The following FRMPD4 variants were observed in gnomAD, a reference collection of about 807,000 sequenced individuals.
The protein encoded by FRMPD4 is FERM and PDZ domain containing 4.
In FRMPD4, 22 loss-of-function variants were observed where a neutral mutation model predicts 94.1. That is an observed-to-expected ratio of 0.23 (90% CI 0.17 to 0.33). The LOEUF is 0.33. Among genes scored for constraint, FRMPD4 ranks in the 10% least tolerant of loss-of-function variants. The pLI is 1.00. For missense variants in FRMPD4, 1,111 were observed against 1,339.9 expected (o/e 0.83, Z 2.67); for synonymous variants, 631 against 548.6 (o/e 1.15, Z -2.10).
chrX:11,880,139 G>A (rs2053805672), intron 3 of FRMPD4, among the ~76,000 whole-genome samples: 1 of 111,843 alleles, frequency 8.9e-6, no homozygotes, highest in African/African-American at 3.3e-5. Context: ...GGAATGGTTA[G>A]GACCGTGTTT....
intron 1 of FRMPD4, among the ~76,000 whole-genome samples, chrX:12,428,978 A>G (rs1324056458): frequency 9.0e-6 from 1 of 110,982 alleles, no homozygotes; most frequent in Non-Finnish European, 1.9e-5. Flanking sequence ...CTGTGGGATA[A>G]CTGGGCAGAC....
chrX:12,097,219 T>C (rs2055213934), intron 3 of FRMPD4, among the ~76,000 whole-genome samples: 1 of 112,038 alleles, frequency 8.9e-6, no homozygotes, highest in South Asian at 3.7e-4. Flanking sequence ...ATTTGGAGAA[T>C]GCAGAGAATG....
intron 2 of FRMPD4, among the ~76,000 whole-genome samples, chrX:12,579,702 GAGTT>G (rs1179377009): frequency 6.2e-5 from 7 of 112,061 alleles, no homozygotes; most frequent in African/African-American, 2.3e-4. Context: ...GCTGATTATT[GAGTT>G]AGTACCTTTT....
At chrX:12,447,856 T>C (rs2057218231) in intron 1 of FRMPD4, among the ~76,000 whole-genome samples, 1 of 112,194 alleles carries the variant, frequency 8.9e-6, no homozygotes, top group Non-Finnish European at 1.9e-5. Context: ...TCACTGTGTT[T>C]CCTTTCTATT....
At chrX:12,294,457 C>G (rs943614459) in intron 1 of FRMPD4, among the ~76,000 whole-genome samples, 1 of 106,474 alleles carries the variant, frequency 9.4e-6, no homozygotes, top group East Asian at 2.9e-4. Flanking sequence ...TGGCTATAAA[C>G]TCATAACTGT....
intron 4 of FRMPD4, among the ~76,000 whole-genome samples, chrX:12,656,689 T>A (rs749440796): frequency 4.8e-4 from 54 of 112,510 alleles, no homozygotes; most frequent in African/African-American, 1.7e-3. Context: ...GGAACTGTGG[T>A]TATCCTCAGG....
chrX:12,228,395 A>G (rs2056947735), intron 1 of FRMPD4, among the ~76,000 whole-genome samples: 1 of 112,593 alleles, frequency 8.9e-6, no homozygotes, highest in Non-Finnish European at 1.9e-5. Context: ...TATGACTGTA[A>G]CAATTCAAGT....
chrX:12,128,169 G>A (rs1163409607), intron 3 of FRMPD4, among the ~76,000 whole-genome samples: 1 of 113,178 alleles, frequency 8.8e-6, no homozygotes, highest in Non-Finnish European at 1.9e-5. Flanking sequence ...CTTCCACACT[G>A]CCGTAGCAGT....
intron 2 of FRMPD4, among the ~76,000 whole-genome samples, chrX:12,499,870 A>C (rs1338768227): frequency 8.9e-6 from 1 of 111,857 alleles, no homozygotes; most frequent in East Asian, 2.8e-4. Context: ...CCCTGCTTTC[A>C]CATCTTCTAG....
intron 1 of FRMPD4, among the ~76,000 whole-genome samples, chrX:12,479,385 T>TATATATATATACATATATACAC (rs1555971392): frequency 7.7e-4 from 65 of 84,569 alleles, no homozygotes; most frequent in Non-Finnish European, 1.3e-3. Flanking sequence ...TATATACACA[T>TATATATATATACATATATACAC]ATATATATAC....
At chrX:12,441,010 A>G (rs768452114) in intron 1 of FRMPD4, among the ~76,000 whole-genome samples, 4 of 112,226 alleles carry the variant, frequency 3.6e-5, no homozygotes, top group Non-Finnish European at 7.5e-5. Flanking sequence ...CTAGATTTTG[A>G]TGCTCATTTA....
At chrX:12,572,827 G>C (rs2058772473) in intron 2 of FRMPD4, among the ~76,000 whole-genome samples, 1 of 112,211 alleles carries the variant, frequency 8.9e-6, no homozygotes, top group Non-Finnish European at 1.9e-5. Context: ...CTACAGAAAG[G>C]AATAGTGGCT....
intron 3 of FRMPD4, among the ~76,000 whole-genome samples, chrX:12,003,148 C>T (rs891456538): frequency 1.8e-5 from 2 of 111,861 alleles, no homozygotes; most frequent in Non-Finnish European, 3.8e-5. Context: ...TGGGTCACCT[C>T]CTGTCATTCC....
At chrX:12,280,419 C>T (rs1373466390) in intron 1 of FRMPD4, among the ~76,000 whole-genome samples, 1 of 109,925 alleles carries the variant, frequency 9.1e-6, no homozygotes, top group Non-Finnish European at 1.9e-5. Flanking sequence ...ATTTGGGGTT[C>T]AGGTTCCTTG....
chrX:12,396,896 C>T (rs1227536980), intron 1 of FRMPD4, among the ~76,000 whole-genome samples: 1 of 111,490 alleles, frequency 9.0e-6, no homozygotes, highest in Admixed American at 9.5e-5. Context: ...AAACATAATC[C>T]TTATATTTGG....
intron 1 of FRMPD4, among the ~76,000 whole-genome samples, chrX:12,150,371 A>G (rs1317332058): frequency 8.9e-6 from 1 of 112,044 alleles, no homozygotes; most frequent in Non-Finnish European, 1.9e-5. Flanking sequence ...TACCCTTGGC[A>G]GTGAACTGTT....
chrX:11,857,354 A>T (rs746776441), intron 1 of FRMPD4, among the ~76,000 whole-genome samples: 13 of 111,477 alleles, frequency 1.2e-4, no homozygotes, highest in South Asian at 3.7e-4. Context: ...TGGTACAAAG[A>T]AAAAAAAGAA....
chrX:12,544,192 A>T (rs773703792), intron 2 of FRMPD4, among the ~76,000 whole-genome samples: 1 of 110,611 alleles, frequency 9.0e-6, no homozygotes, highest in Admixed American at 9.6e-5. Flanking sequence ...ATATGTAACA[A>T]ACCTGCATGT....
rs1024789020 is a variant in FRMPD4, at chrX:12,438,626, G to A, written c.42-60054G>A. Among the ~76,000 whole-genome samples, 4 of 111,061 alleles carry A rather than the reference G, an allele frequency of 3.6e-5. No homozygotes were observed. In the East Asian group the frequency reaches 1.1e-3, roughly 31 times the overall value. ...GAACTTAGATTAAGTCAGACAGTCT[G>A]GGATTAATTCAGTGCATCACATGTC... On this transcript the variant is annotated intron_variant, in intron 1 of 16. Coordinates refer to ENST00000675598, the MANE Select transcript of FRMPD4 (RefSeq NM_001368397.1).
Sources: gnomAD v4.1 joint callset for allele counts (sites outside exome capture counted in the v4.1 genomes callset) on GRCh38, gnomAD v4.1.1 for gene constraint, MANE v1.5 for transcripts, NCBI Gene and HGNC (gene_info 2026-07-23, HGNC 2026-07-21) for gene names.